Variants in AASDH observed in about 807,000 individuals in gnomAD.
AASDH encodes beta-alanine-activating enzyme.
In AASDH, 81 loss-of-function variants were observed where a neutral mutation model predicts 102.3. That is an observed-to-expected ratio of 0.79 (90% CI 0.66 to 0.95). AASDH has a LOEUF of 0.95. Among genes scored for constraint, AASDH ranks in the 40% least tolerant of loss-of-function variants. The pLI, the probability that AASDH is intolerant of heterozygous loss-of-function variation, is 0.00. For missense variants in AASDH, 1,203 were observed against 1,266.2 expected (o/e 0.95, Z 0.76); for synonymous variants, 398 against 454.0 (o/e 0.88, Z 1.57).
Position 56,362,823 on chromosome 4 carries a change from G to A in AASDH, c.862-7400C>T, listed in dbSNP as rs187808293. On this transcript the variant is annotated intron_variant, in intron 5 of 14. Transcript: ENST00000205214. ...TCCCAGCGTGAGCGACGCAGAAGACGGGTGATTTCTGCATTTCCAACTGAG... is the reference window on the plus strand; with the variant it reads ...TCCCAGCGTGAGCGACGCAGAAGACAGGTGATTTCTGCATTTCCAACTGAG... Among the ~76,000 whole-genome samples, 406 of 152,268 alleles carry A rather than the reference G, an allele frequency of 2.7e-3. 1 individual carries two copies. The highest frequency in any genetic ancestry group is 9.3e-3 in the African/African-American group (387 of 41,560).
intron 12 of AASDH, among the ~76,000 whole-genome samples, chr4:56,344,428 C>T (rs1444889775): frequency 6.6e-6 from 1 of 152,054 alleles, no homozygotes; most frequent in African/African-American, 2.4e-5. Context: ...TACTAGCCGT[C>T]TCTTCTTTGG....
intron 2 of AASDH, 130 bp downstream of exon 2, chr4:56,383,940 G>T: frequency 3.2e-6 from 2 of 619,434 alleles, no homozygotes; most frequent in Non-Finnish European, 5.4e-6. Flanking sequence ...AACTTCTTTA[G>T]TCTCTCTACA....
In AASDH at chr4:56,339,093, C is replaced by G. The variant is rs145801355; in HGVS notation, c.2908-302G>C. Among the ~76,000 whole-genome samples the G allele has an allele frequency of 4.0e-3, 602 of 152,244 alleles. 2 individuals carry two copies. Among genetic ancestry groups the G allele is most frequent in the African/African-American group, 0.014 (564 of 41,546 alleles). Reference sequence around the variant, plus strand: ...CAAGAGTTAGTATTATTCAGAGACACTGAGTTCAAAGGTAAAACTACATTG... The same window carrying G: ...CAAGAGTTAGTATTATTCAGAGACAGTGAGTTCAAAGGTAAAACTACATTG... On this transcript the variant is annotated intron_variant, in intron 14 of 14. Coordinates refer to ENST00000205214, the MANE Select transcript of AASDH (RefSeq NM_181806.4).
At chr4:56,339,921 C>CACTT (rs1453975620) in intron 14 of AASDH, among the ~76,000 whole-genome samples, 1 of 151,914 alleles carries the variant, frequency 6.6e-6, no homozygotes, top group Non-Finnish European at 1.5e-5. Context: ...GTAATCCCAA[C>CACTT]ACTTTGGGAG....
intron 5 of AASDH, among the ~76,000 whole-genome samples, chr4:56,358,864 G>A (rs1453811158): frequency 6.6e-6 from 1 of 152,120 alleles, no homozygotes; most frequent in Non-Finnish European, 1.5e-5. Flanking sequence ...GATACTAGCT[G>A]ATTTCTGTCT....
chr4:56,338,815 T>TATA (rs747192853), intron 14 of AASDH, 24 bp from the exon 15 acceptor site: 2 of 1,593,518 alleles, frequency 1.3e-6, no homozygotes, highest in South Asian at 2.3e-5. Flanking sequence ...TAAAAATAAA[T>TATA]ATAATTCATT....
chr4:56,365,936 T>C (rs1402247760), intron 5 of AASDH, among the ~76,000 whole-genome samples: 1 of 151,998 alleles, frequency 6.6e-6, no homozygotes. Context: ...CAGGAGCTGG[T>C]TTTTTGAAAA....
chr4:56,349,329 G>A lies in AASDH; in HGVS notation c.2422C>T (p.Gln808Ter), dbSNP rs1266158838. 6.2e-7 allele frequency: 1 copy of A among 1,613,978 alleles called. No homozygotes were observed. The highest frequency in any genetic ancestry group is 8.5e-7 in the Non-Finnish European group (1 of 1,180,048). Reference sequence around the variant, plus strand: ...GATTCAATTCGATCTCCCAAAATCTGTTCCCATTTTACCTTCCCAGAGTAA... The same window carrying A: ...GATTCAATTCGATCTCCCAAAATCTATTCCCATTTTACCTTCCCAGAGTAA... ...DFYSGKVKWE[Q>*]ILGDRIESSA... The change falls in exon 11 of 15, where the codon CAG (glutamine) becomes TAG (stop). Residue 808 changes from glutamine to a stop codon, truncating the protein, a stop_gained. Coordinates refer to ENST00000205214, the MANE Select transcript of AASDH (RefSeq NM_181806.4). LOFTEE classifies it high-confidence loss of function.
intron 14 of AASDH, among the ~76,000 whole-genome samples, chr4:56,339,607 C>G (rs939301530): frequency 1.4e-5 from 2 of 147,364 alleles, no homozygotes; most frequent in African/African-American, 5.0e-5. Flanking sequence ...AAAAATTAGC[C>G]AGGTGTGGTG....
chr4:56,338,841 A>G (rs1288621987), intron 14 of AASDH, 50 bp from the exon 15 acceptor site: 9 of 1,533,610 alleles, frequency 5.9e-6, no homozygotes, highest in African/African-American at 5.6e-5. Context: ...AATTGCTCCA[A>G]TTCTCCCTTA....
In AASDH at chr4:56,353,556, G is replaced by C; in HGVS notation, c.1424C>G (p.Thr475Arg). The change falls in exon 9 of 15, where the codon ACA becomes AGA. Residue 475 changes from threonine (T) to arginine (R), a missense_variant. Thr to Arg is a moderately conservative substitution (Grantham distance 71, BLOSUM62 -1). Transcript: ENST00000205214. The stretch of plus-strand genomic sequence containing the variant: ...AATTAATTTTTCCTGATTATACCAT[G>C]TAACTGCACAAGACTCCACTTGCTG... ...ELQQVESCAVTWYNQEKLILF... is the reference protein window; with the variant it reads ...ELQQVESCAVRWYNQEKLILF... The C allele has an allele frequency of 6.2e-7, 1 of 1,613,088 alleles. No homozygotes were observed. The highest frequency in any genetic ancestry group is 1.1e-5 in the South Asian group (1 of 91,012).
chr4:56,382,730 G>T, intron 2 of AASDH, 133 bp from the exon 3 acceptor site: 3 of 1,007,502 alleles, frequency 3.0e-6, no homozygotes, highest in Non-Finnish European at 4.3e-6. Context: ...CTTTATTGCT[G>T]ATCAGAAATT....
intron 3 of AASDH, among the ~76,000 whole-genome samples, chr4:56,379,061 T>C (rs1392690591): frequency 6.6e-6 from 1 of 151,234 alleles, no homozygotes; most frequent in African/African-American, 2.4e-5. Context: ...TGTTTTTGTA[T>C]TTTTTTTAGC....
intron 5 of AASDH, among the ~76,000 whole-genome samples, chr4:56,368,314 T>C (rs563112334): frequency 6.6e-6 from 1 of 152,330 alleles, no homozygotes; most frequent in South Asian, 2.1e-4. Flanking sequence ...AGTGTGGCGA[T>C]TCCTCAGGGA....
At chr4:56,365,516 T>C (rs550993727) in intron 5 of AASDH, among the ~76,000 whole-genome samples, 2 of 151,870 alleles carry the variant, frequency 1.3e-5, no homozygotes, top group African/African-American at 4.8e-5. Flanking sequence ...TATAACAAAC[T>C]GTCTCTCAGA....
intron 9 of AASDH, among the ~76,000 whole-genome samples, chr4:56,351,932 AAG>A (rs1188418761): frequency 6.6e-6 from 1 of 151,544 alleles, no homozygotes; most frequent in Non-Finnish European, 1.5e-5. Context: ...AAAAAAAAAA[AAG>A]AAAGAAAAAG....
At chr4:56,371,231 C>G (rs1224253655) in intron 5 of AASDH, among the ~76,000 whole-genome samples, 1 of 151,940 alleles carries the variant, frequency 6.6e-6, no homozygotes, top group East Asian at 1.9e-4. Context: ...ATAGTATGCA[C>G]AAAATACATA....
chr4:56,349,223 A>G (rs769660247), intron 11 of AASDH, 40 bp downstream of exon 11: 2 of 1,590,904 alleles, frequency 1.3e-6, no homozygotes, highest in South Asian at 2.2e-5. Flanking sequence ...TTGTATGGTA[A>G]TTCAATTTAA....
chr4:56,349,049 G>C (rs1577971196), intron 11 of AASDH: 2 of 565,718 alleles, frequency 3.5e-6, no homozygotes, highest in East Asian at 5.8e-5. Context: ...CTTGCCAAAG[G>C]TCACAGAGTT....
Sources: allele counts gnomAD v4.1 joint callset (sites outside exome capture counted in the v4.1 genomes callset), GRCh38; gene constraint gnomAD v4.1.1; transcripts MANE v1.5; gene names NCBI Gene and HGNC (gene_info 2026-07-23, HGNC 2026-07-21).